CDC23: variants seen among roughly 807,000 people sequenced by gnomAD.
The protein encoded by CDC23 is cell division cycle protein 23 homolog.
A neutral mutation model predicts 81.7 loss-of-function variants in CDC23; 26 were observed. The observed-to-expected ratio is 0.32, with a 90% confidence interval of 0.23 to 0.44. CDC23 has a LOEUF of 0.44. Ranked by LOEUF, CDC23 falls within the 20% of genes least tolerant of loss-of-function variation. The pLI is 1.00. For missense variants in CDC23, 519 were observed against 728.0 expected (o/e 0.71, Z 3.30); for synonymous variants, 267 against 270.8 (o/e 0.99, Z 0.14).
intron 3 of CDC23, among the ~76,000 whole-genome samples, chr5:138,204,125 A>T (rs1257224145): frequency 6.6e-6 from 1 of 152,240 alleles, no homozygotes; most frequent in Non-Finnish European, 1.5e-5. Flanking sequence ...AAACAATTCC[A>T]TGTGTATGCA....
chr5:138,202,243 C>T (rs1581488323), intron 3 of CDC23, 88 bp from the exon 4 acceptor site: 5 of 858,430 alleles, frequency 5.8e-6, no homozygotes, highest in East Asian at 5.2e-5. Context: ...CCTAAAGGGC[C>T]AAGTTCAACC....
intron 9 of CDC23, among the ~76,000 whole-genome samples, chr5:138,194,187 C>T (rs1216776681): frequency 6.6e-6 from 1 of 152,078 alleles, no homozygotes; most frequent in African/African-American, 2.4e-5. Flanking sequence ...ATGGATGAAC[C>T]TCAAAAGCAT....
At chr5:138,198,109 A>G in intron 9 of CDC23, 90 bp downstream of exon 9, 2 of 1,004,784 alleles carry the variant, frequency 2.0e-6, no homozygotes, top group Non-Finnish European at 3.0e-6. Flanking sequence ...AAAGGCACGC[A>G]CCACCATCCC....
At chr5:138,199,751 G>T (rs900510001) in intron 6 of CDC23, among the ~76,000 whole-genome samples, 3 of 152,204 alleles carry the variant, frequency 2.0e-5, no homozygotes, top group Non-Finnish European at 4.4e-5. Flanking sequence ...TAATTTAGTA[G>T]GCAAGACAAG....
chr5:138,210,111 G>T (rs917907934), intron 2 of CDC23, among the ~76,000 whole-genome samples: 36 of 151,774 alleles, frequency 2.4e-4, no homozygotes, highest in Admixed American at 8.5e-4. Context: ...AGCTACTCAG[G>T]AGGCTGGGAC....
intron 4 of CDC23, 105 bp from the exon 5 acceptor site, chr5:138,201,553 C>T (rs1754990138): frequency 1.3e-6 from 1 of 791,740 alleles, no homozygotes; most frequent in Non-Finnish European, 1.9e-6. Flanking sequence ...CGCTATGTTC[C>T]CTAGGCTGGT....
Position 138,201,230 on chromosome 5 carries a change from C to A in CDC23, c.531G>T (p.Val177=). The part of the protein sequence containing the change: ...LDGFGLYLYG[V]VLRKLDLVKE... ...TAACCAAGTCCAGTTTTCGAAGCACCACACCATACCTGGGAAAAAAAAGAA... is the reference window on the plus strand; with the variant it reads ...TAACCAAGTCCAGTTTTCGAAGCACAACACCATACCTGGGAAAAAAAAGAA... The change falls in exon 6 of 16, where the codon GTG becomes GTT. Residue 177 remains valine (V), a synonymous_variant. Coordinates refer to ENST00000394886, the MANE Select transcript of CDC23 (RefSeq NM_004661.4). 6.2e-7 allele frequency: 1 copy of A among 1,613,936 alleles called. No homozygotes were observed. Among genetic ancestry groups the A allele is most frequent in the Non-Finnish European group, 8.5e-7 (1 of 1,180,004 alleles).
chr5:138,189,043 G>A lies in CDC23; in HGVS notation c.1729C>T (p.Leu577Phe), dbSNP rs1417617763. The A allele has an allele frequency of 2.5e-6, 4 of 1,614,068 alleles. No individual in the cohort carries two copies. Among genetic ancestry groups the A allele is most frequent in the Non-Finnish European group, 3.4e-6 (4 of 1,180,032 alleles). The change falls in exon 16 of 16, where the codon CTC becomes TTC. Residue 577 changes from leucine to phenylalanine, a missense_variant. Coordinates refer to ENST00000394886, the MANE Select transcript of CDC23 (RefSeq NM_004661.4). ...CGTGTGGGGGTATTGTTAGCAGAGA[G>A]TGAAGCAGGTAGGAAAAAGGGAGCA... Reference protein sequence around the residue: ...VPAPFFLPASLSANNTPTRRV... With the variant: ...VPAPFFLPASFSANNTPTRRV...
At chr5:138,197,292 A>G (rs2126583547) in intron 9 of CDC23, among the ~76,000 whole-genome samples, 2 of 131,242 alleles carry the variant, frequency 1.5e-5, no homozygotes, top group South Asian at 2.8e-4. Context: ...CGACAGAGCG[A>G]GACTCTGTCA....
At chr5:138,195,524 T>A (rs1363058134) in intron 9 of CDC23, among the ~76,000 whole-genome samples, 1 of 122,120 alleles carries the variant, frequency 8.2e-6, no homozygotes, top group Admixed American at 1.1e-4. Flanking sequence ...TAAATATATA[T>A]AAATTATATA....
chr5:138,207,851 G>A (rs913290623), intron 2 of CDC23, among the ~76,000 whole-genome samples: 11 of 151,956 alleles, frequency 7.2e-5, no homozygotes, highest in African/African-American at 2.4e-4. Flanking sequence ...CAGCTACTCG[G>A]GAGGCTGAGC....
chr5:138,206,491 G>A lies in CDC23; in HGVS notation c.372+56C>T, dbSNP rs752138291. The A allele has an allele frequency of 4.4e-6, 7 of 1,594,000 alleles. 1 individual carries two copies. The Admixed American group carries it at 6.7e-5, about 15-fold the overall frequency. Reference sequence around the variant, plus strand: ...TTTAAAAGATTTAACTTTTCCATTGGTTCTAAATATGGATGTTTCACTAAA... The same window carrying A: ...TTTAAAAGATTTAACTTTTCCATTGATTCTAAATATGGATGTTTCACTAAA... On this transcript the variant is annotated intron_variant, in intron 3 of 15. Coordinates refer to ENST00000394886, the MANE Select transcript of CDC23 (RefSeq NM_004661.4).
At position 138,188,733 on chromosome 5, in the gene CDC23, A is replaced by T; in HGVS notation, c.*245T>A. The T allele has an allele frequency of 3.0e-6, 1 of 336,900 alleles. No homozygotes were observed. The highest frequency in any genetic ancestry group is 5.3e-6 in the Non-Finnish European group (1 of 187,082). 20.9% of individuals were successfully genotyped at this position (336,900 alleles called of 1,614,324 possible). The stretch of plus-strand genomic sequence containing the variant: ...AAAGCATTCAGGGAAGAAGGCCAAG[A>T]TCTATAGCCACTCTTTGGACATAAG... On this transcript the variant is annotated 3_prime_UTR_variant, in exon 16 of 16. Transcript: ENST00000394886.
intron 2 of CDC23, among the ~76,000 whole-genome samples, chr5:138,207,688 C>T (rs921954411): frequency 2.6e-5 from 4 of 152,016 alleles, no homozygotes; most frequent in Non-Finnish European, 4.4e-5. Context: ...CTTGGCTGAG[C>T]GCAGTGGCTG....
intron 2 of CDC23, among the ~76,000 whole-genome samples, chr5:138,212,782 C>T (rs1037821798): frequency 7.1e-6 from 1 of 140,898 alleles, no homozygotes; most frequent in East Asian, 2.2e-4. Flanking sequence ...TTCTCCCCAG[C>T]TTTAAATAAG....
At chr5:138,195,806 T>C (rs1367066849) in intron 9 of CDC23, among the ~76,000 whole-genome samples, 1 of 129,822 alleles carries the variant, frequency 7.7e-6, no homozygotes, top group Non-Finnish European at 1.6e-5. Context: ...TATGTGTATA[T>C]ATATACATAT....
At chr5:138,212,582 T>C (rs982252902) in intron 2 of CDC23, among the ~76,000 whole-genome samples, 10 of 152,272 alleles carry the variant, frequency 6.6e-5, no homozygotes, top group Admixed American at 2.0e-4. Flanking sequence ...TCCTAAAGTG[T>C]TGGGATTACA....
chr5:138,211,962 T>A (rs951641021), intron 2 of CDC23, among the ~76,000 whole-genome samples: 1 of 152,242 alleles, frequency 6.6e-6, no homozygotes, highest in Non-Finnish European at 1.5e-5. Flanking sequence ...TTACCCTTAT[T>A]GCTTTATTTA....
chr5:138,212,667 A>G (rs1755127065), intron 2 of CDC23, among the ~76,000 whole-genome samples: 1 of 152,130 alleles, frequency 6.6e-6, no homozygotes, highest in Non-Finnish European at 1.5e-5. Context: ...AGATATCCTT[A>G]TAATAATTCC....
Sources: gnomAD v4.1 joint callset for allele counts (sites outside exome capture counted in the v4.1 genomes callset) on GRCh38, gnomAD v4.1.1 for gene constraint, MANE v1.5 for transcripts, NCBI Gene and HGNC (gene_info 2026-07-23, HGNC 2026-07-21) for gene names.